Variants in ADAMTS13 observed in about 807,000 individuals in gnomAD.
ADAMTS13 encodes the protein A disintegrin and metalloproteinase with thrombospondin motifs 13.
Under a neutral mutation model 155.1 loss-of-function variants are expected in ADAMTS13, and 110 were observed. That is an observed-to-expected ratio of 0.71 (90% CI 0.61 to 0.83). ADAMTS13 has a LOEUF of 0.83. Among genes scored for constraint, ADAMTS13 ranks in the 40% least tolerant of loss-of-function variants. The probability of loss-of-function intolerance (pLI) is 0.00; values close to 1 mark genes in which losing one functional copy is unlikely to be tolerated. For missense variants in ADAMTS13, 1,707 were observed against 1,891.7 expected, an observed-to-expected ratio of 0.90 and a Z score of 1.81; for synonymous variants, 758 against 756.4, an observed-to-expected ratio of 1.00 and a Z score of -0.03.
chr9:133,435,282 G>A (rs1368262726), intron 11 of ADAMTS13, among the ~76,000 whole-genome samples: 1 of 151,648 alleles, frequency 6.6e-6, no homozygotes, highest in Non-Finnish European at 1.5e-5. Context: ...CGCCTCCTGG[G>A]TTCAAGCGAT....
chr9:133,416,682 C>A lies in ADAMTS13; in HGVS notation n.287+2038C>A, dbSNP rs761300202. On this transcript the variant is annotated intron_variant and non_coding_transcript_variant, in intron 1 of 17. Coordinates refer to the ADAMTS13 transcript ENST00000485925. ...GAAGTGCAGGTCACTAGGGAGACAG[C>A]AGGTACAACACAGCCTTAAAAGCAT... is the stretch of plus-strand genomic sequence containing the variant. 2.3e-4 allele frequency among the ~76,000 whole-genome samples: 35 copies of A among 152,362 alleles called. No homozygotes were observed. The Middle Eastern group carries it at 0.014, about 59-fold the overall frequency.
At chr9:133,448,052 G>T (rs1396204977) in intron 21 of ADAMTS13, among the ~76,000 whole-genome samples, 2 of 150,326 alleles carry the variant, frequency 1.3e-5, no homozygotes, top group African/African-American at 4.9e-5. Context: ...GTCCAGTGGC[G>T]CAGTCTTGGC....
chr9:133,426,391 C>T (rs1840284754), intron 6 of ADAMTS13, 46 bp downstream of exon 6: 2 of 1,597,576 alleles, frequency 1.3e-6, no homozygotes, highest in South Asian at 2.2e-5. Flanking sequence ...AAGGAGCTGA[C>T]CTGGGTACCC....
chr9:133,430,050 C>T lies in ADAMTS13; in HGVS notation c.936C>T (p.Arg312=), dbSNP rs36219562. Residue 312 remains arginine (R), a synonymous_variant, in exon 8 of 29, where the codon CGC becomes CGT. Coordinates refer to ENST00000355699, the MANE Select transcript of ADAMTS13 (RefSeq NM_139027.6). The stretch of plus-strand genomic sequence containing the variant: ...ACTACAGCGCCAACGAGCAGTGCCG[C>T]GTGGCCTTCGGCCCCAAGGCTGTCG... ...GLYYSANEQC[R]VAFGPKAVAC... 2.8e-3 allele frequency: 4,487 copies of T among 1,595,692 alleles called. 128 individuals carry two copies. In the African/African-American group the frequency reaches 0.053, roughly 19 times the overall value.
At chr9:133,458,519 G>A (rs1842879150) in intron 28 of ADAMTS13, among the ~76,000 whole-genome samples, 1 of 129,172 alleles carries the variant, frequency 7.7e-6, no homozygotes, top group South Asian at 2.5e-4. Context: ...TCGCACCACT[G>A]CACTCCAGCC....
intron 21 of ADAMTS13, among the ~76,000 whole-genome samples, chr9:133,447,002 C>T (rs1427083749): frequency 1.3e-5 from 2 of 152,132 alleles, no homozygotes; most frequent in Admixed American, 6.6e-5. Context: ...GGACTATAGG[C>T]GTCTGCCACC....
chr9:133,422,897 T>C (rs587642898), intron 1 of ADAMTS13, among the ~76,000 whole-genome samples: 1 of 150,370 alleles, frequency 6.7e-6, no homozygotes, highest in East Asian at 2.0e-4. Context: ...TCCCTCTTCA[T>C]CCATCTCTTT....
chr9:133,424,510 C>T lies in ADAMTS13; in HGVS notation c.330+32C>T. On this transcript the variant is annotated intron_variant, in intron 3 of 28. Coordinates refer to ENST00000355699, the MANE Select transcript of ADAMTS13 (RefSeq NM_139027.6). This position sits in a 1 kb window ranked among gnomAD's most constrained non-coding sequence, Gnocchi z 4.3. ...GCCCCACGCTGGACTGTGCAGGTCC[C>T]CACGGCCAGGGCTGGTGACCAATGT... is the stretch of plus-strand genomic sequence containing the variant. 6.3e-7 allele frequency: 1 copy of T among 1,596,252 alleles called. No individual in the cohort carries two copies. The highest frequency in any genetic ancestry group is 8.5e-7 in the Non-Finnish European group (1 of 1,171,720).
chr9:133,456,925 T>C lies in ADAMTS13; in HGVS notation c.3724+206T>C. 1 of 717,982 alleles carries C rather than the reference T, an allele frequency of 1.4e-6. No individual in the cohort carries two copies. The highest frequency in any genetic ancestry group is 1.5e-5 in the South Asian group (1 of 66,938). 44.5% of individuals were successfully genotyped at this position (717,982 alleles called of 1,614,324 possible). ...AGGATGAATGCTATATCCCTCCTTT[T>C]TGGGACCGTGCAGCAAGATGGACGG... On this transcript the variant is annotated intron_variant, in intron 27 of 28. Transcript: ENST00000355699. The surrounding 1 kb of genome is among the most constrained non-coding windows in gnomAD (Gnocchi z 4.4).
chr9:133,417,576 G>C (rs587761152), upstream of ADAMTS13: 2 of 1,592,028 alleles, frequency 1.3e-6, no homozygotes, highest in African/African-American at 1.3e-5. Context: ...CGTTCTGCGG[G>C]AATGAGCTGC....
rs1842754097 is a variant in ADAMTS13, at chr9:133,456,541, A to G, written c.3548-2A>G. 1 of 1,612,898 alleles carries G rather than the reference A, an allele frequency of 6.2e-7. No homozygotes were observed. The highest frequency in any genetic ancestry group is 8.5e-7 in the Non-Finnish European group (1 of 1,179,808). On this transcript the variant is annotated splice_acceptor_variant, in intron 26 of 28. Coordinates refer to ENST00000355699, the MANE Select transcript of ADAMTS13 (RefSeq NM_139027.6). LOFTEE classifies it high-confidence loss of function. This position sits in a 1 kb window ranked among gnomAD's most constrained non-coding sequence, Gnocchi z 4.4. The stretch of plus-strand genomic sequence containing the variant: ...GACCCTCACTGCCCTGCCGCTTCCT[A>G]GGGGACATGTTGCTGCTTTGGGGCC...
rs782619382 is a variant in ADAMTS13 at position 133,415,060 on chromosome 9, C to G, written n.287+416C>G. 2.0e-6 allele frequency: 3 copies of G among 1,503,206 alleles called. 1 individual carries two copies. The South Asian group carries it at 4.0e-5, about 20-fold the overall frequency. The allele number at this position is 1,503,206 out of a possible 1,614,324, so 93.1% of individuals were successfully genotyped here. On this transcript the variant is annotated intron_variant and non_coding_transcript_variant, in intron 1 of 17. Coordinates refer to the ADAMTS13 transcript ENST00000485925. ...GCTGCATTTGAATTTGGAAATTACA[C>G]ACAGCAGATTGAAAAAACTTACGTG...
At chr9:133,415,007 A>G (rs1839488129) in intron 1 of ADAMTS13, 2 of 1,580,096 alleles carry the variant, frequency 1.3e-6, no homozygotes, top group Non-Finnish European at 1.7e-6. Flanking sequence ...TTGTTTCAGC[A>G]GCCACTGGGA....
At position 133,425,713 on chromosome 9, in the gene ADAMTS13, C is replaced by T. The variant is rs1840236139; in HGVS notation, c.414+101C>T. 3 of 1,438,564 alleles carry T rather than the reference C, an allele frequency of 2.1e-6. No individual in the cohort carries two copies. In the Admixed American group the frequency reaches 5.9e-5, roughly 28 times the overall value. 89.1% of individuals were successfully genotyped at this position (1,438,564 alleles called of 1,614,324 possible). On this transcript the variant is annotated intron_variant, in intron 4 of 28. Coordinates refer to ENST00000355699, the MANE Select transcript of ADAMTS13 (RefSeq NM_139027.6). The surrounding 1 kb of genome is among the most constrained non-coding windows in gnomAD (Gnocchi z 4.6). ...CTCTTGTCCCGGATGCCCCAAGCAGCATGGATCACAGAATGCATTCAGCCA... is the reference window on the plus strand; with the variant it reads ...CTCTTGTCCCGGATGCCCCAAGCAGTATGGATCACAGAATGCATTCAGCCA...
At chr9:133,423,415 T>G (rs1840081497) in intron 2 of ADAMTS13, among the ~76,000 whole-genome samples, 1 of 152,220 alleles carries the variant, frequency 6.6e-6, no homozygotes, top group African/African-American at 2.4e-5. Context: ...CGGTCACCGA[T>G]TGGCTGGCCC....
At chr9:133,435,972 C>CTCT (rs1308550111) in intron 11 of ADAMTS13, among the ~76,000 whole-genome samples, 5 of 148,174 alleles carry the variant, frequency 3.4e-5, no homozygotes, top group African/African-American at 5.0e-5. Flanking sequence ...TTTTTCTTTT[C>CTCT]TCTTCTTTTT....
In ADAMTS13 at chr9:133,448,670, C is replaced by T; in HGVS notation, c.2803C>T (p.Leu935=). 6.2e-7 allele frequency: 1 copy of T among 1,607,970 alleles called. No individual in the cohort carries two copies. The highest frequency in any genetic ancestry group is 8.5e-7 in the Non-Finnish European group (1 of 1,179,986). The stretch of plus-strand genomic sequence containing the variant: ...GCCTGTCCAGGAAGAGCTGTGTGGC[C>T]TGGCAAGCAAGCCTGGGAGCCGGCG... ...RVPVQEELCG[L]ASKPGSRREV... Residue 935 remains leucine, a synonymous_variant, in exon 22 of 29, where the codon CTG becomes TTG. Transcript: ENST00000355699.
upstream of ADAMTS13, among the ~76,000 whole-genome samples, chr9:133,420,499 G>C (rs1015565687): frequency 2.6e-5 from 4 of 152,348 alleles, no homozygotes; most frequent in Admixed American, 2.6e-4. Flanking sequence ...TCCTGCCCAG[G>C]TTCCCACTTT....
In ADAMTS13 at chr9:133,456,137, T is replaced by C. The variant is rs1554795860; in HGVS notation, c.3469T>C (p.Cys1157Arg). Residue 1157 changes from cysteine to arginine, a missense_variant, in exon 26 of 29, where the codon TGT becomes CGT. This residue lies in a region of ADAMTS13 where 961 missense variants were observed against 1,107.9 expected (regional missense o/e 0.87). Transcript: ENST00000355699. The surrounding 1 kb of genome is among the most constrained non-coding windows in gnomAD (Gnocchi z 4.4). The stretch of plus-strand genomic sequence containing the variant: ...CATGCGAGGCCCAGGGCAGGCAGAC[T>C]GTGCAGTGGCCATTGGGCGGCCCCT... Reference protein sequence around the residue: ...IDMRGPGQADCAVAIGRPLGE... With the variant: ...IDMRGPGQADRAVAIGRPLGE... 2 of 1,613,454 alleles carry C rather than the reference T, an allele frequency of 1.2e-6. No individual in the cohort carries two copies. Among genetic ancestry groups the C allele is most frequent in the Non-Finnish European group, 8.5e-7 (1 of 1,180,034 alleles).
Sources: allele counts gnomAD v4.1 joint callset (sites outside exome capture counted in the v4.1 genomes callset), GRCh38; gene constraint gnomAD v4.1.1; regional missense constraint gnomAD v4.1.1; non-coding constraint Gnocchi (gnomAD v3.1); transcripts MANE v1.5; gene names NCBI Gene and HGNC (gene_info 2026-07-23, HGNC 2026-07-21).